Variants in TEX36 observed in about 807,000 individuals in gnomAD.
TEX36 encodes testis-expressed protein 36.
A neutral mutation model predicts 13.6 loss-of-function variants in TEX36; 12 were observed. That is an observed-to-expected ratio of 0.88 (90% CI 0.56 to 1.43). The LOEUF (loss-of-function observed/expected upper bound fraction) is 1.43, where lower values mean the gene tolerates loss of function less well. TEX36 is among the 40% of genes most tolerant of loss of function. TEX36 has a pLI of 0.00. For synonymous variants in TEX36, 93 were observed against 83.0 expected, an observed-to-expected ratio of 1.12 and a Z score of -0.65; for missense variants, 224 against 228.3, an observed-to-expected ratio of 0.98 and a Z score of 0.12.
At chr10:125,583,210 C>T (rs1047976547) in intron 3 of TEX36, among the ~76,000 whole-genome samples, 1 of 151,764 alleles carries the variant, frequency 6.6e-6, no homozygotes, top group Non-Finnish European at 1.5e-5. Context: ...CTAATTTGAA[C>T]GGGTGGAGAG....
chr10:125,581,393 T>A (rs17728396), intron 3 of TEX36, among the ~76,000 whole-genome samples: 5,785 of 152,138 alleles, frequency 0.038, 168 homozygotes, highest in Non-Finnish European at 0.063. Context: ...GGGTAATTCA[T>A]CCTCCCAGGC....
exon 4 of TEX36, chr10:125,621,637 A>G (rs1846430571): frequency 2.2e-6 from 1 of 456,054 alleles, no homozygotes; most frequent in East Asian, 6.9e-5. Flanking sequence ...ACGATAGGCC[A>G]TCTGCAAACT....
In TEX36 at chr10:125,667,676, C is replaced by T. The variant is rs113659146; in HGVS notation, c.52-5699G>A. ...GGACATGACAACTTGGGGGAAAGGA[C>T]GCCCATCATCCTTCTTCTGGTAGAG... On this transcript the variant is annotated intron_variant, in intron 1 of 3. Transcript: ENST00000368821. 2,382 of 723,686 alleles carry T rather than the reference C, an allele frequency of 3.3e-3. 23 individuals are homozygous for T. Among genetic ancestry groups the T allele is most frequent in the African/African-American group, 0.023 (1,318 of 57,926 alleles). The allele number at this position is 723,686 out of a possible 1,614,324, so 44.8% of individuals were successfully genotyped here. A position where few individuals can be genotyped will look rare whatever the true frequency, so the allele number is the denominator to read the frequency against.
At chr10:125,595,268 C>T (rs1387102029) in intron 3 of TEX36, among the ~76,000 whole-genome samples, 1 of 151,518 alleles carries the variant, frequency 6.6e-6, no homozygotes, top group Non-Finnish European at 1.5e-5. Context: ...AATAGGTTGT[C>T]CCTCCCTCAT....
chr10:125,620,479 G>A (rs1846416735), downstream of TEX36, among the ~76,000 whole-genome samples: 1 of 152,106 alleles, frequency 6.6e-6, no homozygotes, highest in African/African-American at 2.4e-5. Context: ...CAGTGAAGAT[G>A]TGTTGAGCAT....
intron 3 of TEX36, chr10:125,640,346 T>C (rs1846672643): frequency 8.7e-6 from 3 of 343,226 alleles, no homozygotes; most frequent in Non-Finnish European, 1.2e-5. Context: ...TGAGGTTATT[T>C]TGGTTACTCT....
intron 3 of TEX36, among the ~76,000 whole-genome samples, chr10:125,599,669 C>T (rs1470313705): frequency 6.6e-6 from 1 of 152,188 alleles, no homozygotes; most frequent in East Asian, 1.9e-4. Context: ...TTTTCACTGC[C>T]TCAAACAACT....
intron 3 of TEX36, among the ~76,000 whole-genome samples, chr10:125,637,300 C>A (rs375188576): frequency 2.0e-5 from 3 of 150,708 alleles, no homozygotes; most frequent in East Asian, 3.9e-4. Flanking sequence ...CAGGGTGAGA[C>A]CCTGTCTCAA....
At chr10:125,679,230 G>A (rs917335181) in intron 1 of TEX36, among the ~76,000 whole-genome samples, 1 of 147,110 alleles carries the variant, frequency 6.8e-6, no homozygotes, top group Non-Finnish European at 1.5e-5. Flanking sequence ...TCACTACCCA[G>A]CACCAGCAGC....
downstream of TEX36, among the ~76,000 whole-genome samples, chr10:125,654,828 T>C (rs569653817): frequency 1.6e-4 from 24 of 152,290 alleles, no homozygotes; most frequent in South Asian, 6.2e-4. Context: ...AGGAGTTCAA[T>C]TGGTCCAGTC....
chr10:125,664,528 G>T (rs1469346460), intron 1 of TEX36, among the ~76,000 whole-genome samples: 2 of 152,142 alleles, frequency 1.3e-5, no homozygotes, highest in Non-Finnish European at 2.9e-5. Context: ...GGAGGTGATT[G>T]GATCATGGGG....
chr10:125,669,383 G>A (rs1237958263), intron 1 of TEX36, among the ~76,000 whole-genome samples: 2 of 152,090 alleles, frequency 1.3e-5, no homozygotes, highest in Non-Finnish European at 2.9e-5. Context: ...GGAAGGCTGA[G>A]GCAGGATAAT....
At chr10:125,607,854 T>G (rs1846234526) in intron 3 of TEX36, among the ~76,000 whole-genome samples, 1 of 152,126 alleles carries the variant, frequency 6.6e-6, no homozygotes, top group South Asian at 2.1e-4. Flanking sequence ...ACTATAACCC[T>G]GTCTCGAGTT....
chr10:125,589,174 AT>A (rs1468102626), intron 3 of TEX36, among the ~76,000 whole-genome samples: 3 of 152,118 alleles, frequency 2.0e-5, no homozygotes, highest in African/African-American at 7.2e-5. Flanking sequence ...TTCTTTGCCT[AT>A]TTTCATGAGA....
intron 3 of TEX36, among the ~76,000 whole-genome samples, chr10:125,616,069 G>A (rs297231): frequency 0.31 from 47,774 of 151,908 alleles, 8,326 homozygotes; most frequent in African/African-American, 0.47. Context: ...GTTTATTTGC[G>A]TAGAGGTGTT....
intron 1 of TEX36, among the ~76,000 whole-genome samples, chr10:125,676,730 C>T (rs1275542772): frequency 5.9e-5 from 9 of 152,164 alleles, no homozygotes; most frequent in African/African-American, 1.9e-4. Context: ...CATTGTGGTT[C>T]GGTGGATTTC....
rs1176274457 is a variant in TEX36 at position 125,590,826 on chromosome 10, A to T, written c.265-13952T>A. Among the ~76,000 whole-genome samples the T allele has an allele frequency of 2.6e-5, 4 of 152,328 alleles. No homozygotes were observed. In the South Asian group the frequency reaches 6.2e-4, roughly 24 times the overall value. The stretch of plus-strand genomic sequence containing the variant: ...ACAAACATGATGACACAATAGAGAG[A>T]TTCTATATATAGATATAGATATATT... On this transcript the variant is annotated intron_variant, in intron 3 of 3. Coordinates refer to the TEX36 transcript ENST00000532135.
downstream of TEX36, chr10:125,655,545 A>T (rs79922887): frequency 0.04 from 16,137 of 405,656 alleles, 422 homozygotes; most frequent in Non-Finnish European, 0.046. Flanking sequence ...TGCAGATTAA[A>T]AACAAGTAGT....
At chr10:125,656,249 CT>C (rs66461124) in intron 3 of TEX36, 53 bp from the exon 4 acceptor site, 28,495 of 258,300 alleles carry the variant, frequency 0.11, 47 homozygotes, top group East Asian at 0.15. Context: ...TCACATAGTT[CT>C]TTTTTTTTTT....
Sources: gnomAD v4.1 joint callset for allele counts (sites outside exome capture counted in the v4.1 genomes callset) on GRCh38, gnomAD v4.1.1 for gene constraint, MANE v1.5 for transcripts, NCBI Gene and HGNC (gene_info 2026-07-23, HGNC 2026-07-21) for gene names.